Variants in CCDC85A observed in about 807,000 individuals in gnomAD.
The protein encoded by CCDC85A is coiled-coil domain containing 85A, also known as coiled-coil domain-containing protein 85A.
A neutral mutation model predicts 50.2 loss-of-function variants in CCDC85A; 38 were observed. The observed-to-expected ratio is 0.76, with a 90% confidence interval of 0.58 to 0.99. CCDC85A has a LOEUF of 0.99. Ranked by LOEUF, CCDC85A falls within the 50% of genes least tolerant of loss-of-function variation. CCDC85A has a pLI of 0.00. For synonymous variants in CCDC85A, 366 were observed against 301.4 expected (o/e 1.21, Z -2.22); for missense variants, 820 against 742.0 (o/e 1.11, Z -1.22).
intron 3 of CCDC85A, among the ~76,000 whole-genome samples, chr2:56,357,971 G>C (rs1675321667): frequency 6.6e-6 from 1 of 152,038 alleles, no homozygotes. Context: ...TTCTGACCCT[G>C]GCCCCCCATG....
intron 5 of CCDC85A, among the ~76,000 whole-genome samples, chr2:56,382,173 A>G (rs1676616921): frequency 6.6e-6 from 1 of 152,092 alleles, no homozygotes; most frequent in Admixed American, 6.6e-5. Flanking sequence ...AAAAATGCAG[A>G]TTGTAAAGCA....
At chr2:56,350,868 A>T (rs769356118) in intron 3 of CCDC85A, among the ~76,000 whole-genome samples, 1 of 144,296 alleles carries the variant, frequency 6.9e-6, no homozygotes, top group Non-Finnish European at 1.5e-5. Flanking sequence ...TATTATTATT[A>T]TACTTTAAGT....
In CCDC85A at chr2:56,184,720, G is replaced by A. The variant is rs1006734289; in HGVS notation, c.96G>A (p.Pro32=). 2.9e-5 allele frequency: 44 copies of A among 1,531,300 alleles called. No individual in the cohort carries two copies. The East Asian group carries it at 1.1e-3, about 38-fold the overall frequency. The allele number at this position is 1,531,300 out of a possible 1,614,324, so 94.9% of individuals were successfully genotyped here. A position where few individuals can be genotyped will look rare whatever the true frequency, so the allele number is the denominator to read the frequency against. ...GCTCGTCCGCGGCCCCGCCCGCGCC[G>A]GTGGAGGACCTGTCCAAAGTGTCGG... ...PAGSSAAPPA[P]VEDLSKVSDE... is the part of the protein sequence containing the mutation. Residue 32 remains proline (P), a synonymous_variant, in exon 1 of 6, where the codon CCG becomes CCA. Coordinates refer to ENST00000407595, the MANE Select transcript of CCDC85A (RefSeq NM_001080433.2).
At chr2:56,254,089 C>CAT (rs1167656246) in intron 2 of CCDC85A, among the ~76,000 whole-genome samples, 1 of 152,128 alleles carries the variant, frequency 6.6e-6, no homozygotes, top group Non-Finnish European at 1.5e-5. Flanking sequence ...TATATGTGCA[C>CAT]ATACACATAT....
rs1279140551 is a variant in CCDC85A at position 56,224,775 on chromosome 2, CA to C, written c.1240+31336del. Among the ~76,000 whole-genome samples, 4 of 152,082 alleles carry C rather than the reference CA, an allele frequency of 2.6e-5. 1 individual carries two copies. Among genetic ancestry groups the C allele is most frequent in the Middle Eastern group, 6.3e-3 (2 of 316 alleles). On this transcript the variant is annotated intron_variant, in intron 2 of 5. Transcript: ENST00000407595. ...AGAAATGTCTATTCAAGTCTTTTCCCATTTTTAATTGGTTTGTCTTTTTATT... is the reference window on the plus strand; with the variant it reads ...AGAAATGTCTATTCAAGTCTTTTCCCTTTTTAATTGGTTTGTCTTTTTATT...
intron 2 of CCDC85A, among the ~76,000 whole-genome samples, chr2:56,230,697 A>G (rs1453438610): frequency 6.6e-6 from 1 of 152,184 alleles, no homozygotes. Flanking sequence ...TTGTTTGATT[A>G]TTCTTTTTCA....
At chr2:56,350,985 A>T (rs1674900243) in intron 3 of CCDC85A, among the ~76,000 whole-genome samples, 1 of 131,360 alleles carries the variant, frequency 7.6e-6, no homozygotes, top group South Asian at 2.9e-4. Flanking sequence ...TATATCTCCT[A>T]AAGCTATCCC....
chr2:56,373,409 A>T (rs2104393350), intron 4 of CCDC85A, among the ~76,000 whole-genome samples: 1 of 152,184 alleles, frequency 6.6e-6, no homozygotes, highest in East Asian at 1.9e-4. Flanking sequence ...TTTTTAATAG[A>T]TATGGCCAGA....
intron 2 of CCDC85A, among the ~76,000 whole-genome samples, chr2:56,294,973 A>G (rs1371935169): frequency 5.9e-5 from 9 of 152,232 alleles, no homozygotes; most frequent in African/African-American, 2.2e-4. Context: ...GACTAAATAC[A>G]TGATAGCATG....
At chr2:56,319,985 C>T (rs938189826) in intron 2 of CCDC85A, among the ~76,000 whole-genome samples, 7 of 152,280 alleles carry the variant, frequency 4.6e-5, no homozygotes, top group Admixed American at 1.3e-4. Context: ...TTAAGAAACT[C>T]GCTCAAAACC....
chr2:56,209,514 G>A (rs1168621717), intron 2 of CCDC85A, among the ~76,000 whole-genome samples: 1 of 142,220 alleles, frequency 7.0e-6, no homozygotes, highest in South Asian at 2.2e-4. Flanking sequence ...GGCCTTTTTT[G>A]TTGATTGTTT....
intron 2 of CCDC85A, among the ~76,000 whole-genome samples, chr2:56,307,871 G>A (rs887519840): frequency 6.6e-6 from 1 of 152,176 alleles, no homozygotes. Context: ...GCTTCGAGCA[G>A]TGTCTTTTGC....
chr2:56,363,666 T>G (rs1192115860), intron 3 of CCDC85A, among the ~76,000 whole-genome samples: 1 of 152,208 alleles, frequency 6.6e-6, no homozygotes, highest in African/African-American at 2.4e-5. Flanking sequence ...CTTAGTCAAT[T>G]CAGCAAATAT....
rs79380160 is a variant in CCDC85A at position 56,250,465 on chromosome 2, A to G, written c.1240+57025A>G. On this transcript the variant is annotated intron_variant, in intron 2 of 5. Transcript: ENST00000407595. ...ACTAGCCTATCAAGGATAAGATGAT[A>G]CAAACCAGGTCAGGGGAAAGAAGTT... 6.6e-3 allele frequency among the ~76,000 whole-genome samples: 1,013 copies of G among 152,340 alleles called. 12 individuals are homozygous for G. Among genetic ancestry groups the G allele is most frequent in the African/African-American group, 0.023 (971 of 41,582 alleles).
intron 2 of CCDC85A, among the ~76,000 whole-genome samples, chr2:56,335,202 G>A (rs569010366): frequency 8.5e-5 from 13 of 152,076 alleles, no homozygotes; most frequent in African/African-American, 3.1e-4. Flanking sequence ...ACCTTTGCTT[G>A]CCTGAAGAAG....
chr2:56,332,235 A>G (rs1350742297), intron 2 of CCDC85A, among the ~76,000 whole-genome samples: 1 of 152,124 alleles, frequency 6.6e-6, no homozygotes, highest in Non-Finnish European at 1.5e-5. Flanking sequence ...AGACCCCCCC[A>G]CACCTAATTC....
At chr2:56,301,824 G>A (rs1672219002) in intron 2 of CCDC85A, among the ~76,000 whole-genome samples, 1 of 152,172 alleles carries the variant, frequency 6.6e-6, no homozygotes, top group African/African-American at 2.4e-5. Flanking sequence ...GGAGCAAGGG[G>A]AGGGAGAGCA....
chr2:56,359,239 C>T (rs1478288851), intron 3 of CCDC85A, among the ~76,000 whole-genome samples: 2 of 152,236 alleles, frequency 1.3e-5, no homozygotes, highest in East Asian at 3.9e-4. Flanking sequence ...GTGATTTAAC[C>T]AGTGGTAGTT....
At chr2:56,190,898 T>A (rs1267848031) in intron 1 of CCDC85A, among the ~76,000 whole-genome samples, 1 of 152,246 alleles carries the variant, frequency 6.6e-6, no homozygotes, top group Non-Finnish European at 1.5e-5. Flanking sequence ...AGGAATCATG[T>A]AATGTCACTC....
Sources: gnomAD v4.1 joint callset for allele counts (sites outside exome capture counted in the v4.1 genomes callset) on GRCh38, gnomAD v4.1.1 for gene constraint, MANE v1.5 for transcripts, NCBI Gene and HGNC (gene_info 2026-07-23, HGNC 2026-07-21) for gene names.